The following GCN1 variants were observed in gnomAD, a reference collection of about 807,000 sequenced individuals.
The protein encoded by GCN1 is stalled ribosome sensor GCN1.
GCN1 carries 90 observed loss-of-function variants against 288.4 expected under a neutral mutation model. That is an observed-to-expected ratio of 0.31 (90% CI 0.26 to 0.37). The LOEUF (loss-of-function observed/expected upper bound fraction) is 0.37. Among genes scored for constraint, GCN1 ranks in the 10% least tolerant of loss-of-function variants. GCN1 has a pLI of 1.00. For missense variants in GCN1, 2,586 were observed against 3,419.9 expected (o/e 0.76, Z 6.08); for synonymous variants, 1,386 against 1,420.2 (o/e 0.98, Z 0.54).
At position 120,183,584 on chromosome 12, in the gene GCN1, G is replaced by A. The variant is rs777231748; in HGVS notation, c.411C>T (p.Asp137=). Reference sequence around the variant, plus strand: ...GGGAACCTACCAGTTTGTTCCAGATGTCTCCTTGTCGCTTGGCTCTCGATG... The same window carrying A: ...GGGAACCTACCAGTTTGTTCCAGATATCTCCTTGTCGCTTGGCTCTCGATG... ...VFPSRAKRQG[D]IWNKLVEVQC... Residue 137 remains aspartate (D), a synonymous_variant, in exon 5 of 58, where the codon GAC becomes GAT. Coordinates refer to ENST00000300648, the MANE Select transcript of GCN1 (RefSeq NM_006836.2). 3 of 1,606,422 alleles carry A rather than the reference G, an allele frequency of 1.9e-6. No individual in the cohort carries two copies. The highest frequency in any genetic ancestry group is 2.2e-5 in the South Asian group (2 of 90,958).
intron 1 of GCN1, among the ~76,000 whole-genome samples, chr12:120,191,196 G>A (rs1216753762): frequency 6.6e-6 from 1 of 152,244 alleles, no homozygotes; most frequent in African/African-American, 2.4e-5. Context: ...ATCTCCAAGA[G>A]AGGAAGTCAC....
In GCN1 at chr12:120,149,672, C is replaced by T; in HGVS notation, c.4480G>A (p.Gly1494Arg). 6.2e-7 allele frequency: 1 copy of T among 1,614,082 alleles called. No homozygotes were observed. The highest frequency in any genetic ancestry group is 8.5e-7 in the Non-Finnish European group (1 of 1,180,020). The stretch of plus-strand genomic sequence containing the variant: ...AAGGAGGGGAGCACCAGCTTCACCC[C>T]GTGAGCACTCAAGTTGCTCATCACA... The part of the protein sequence containing the change: ...KAVMSNLSAH[G>R]VKLVLPSLLA... Residue 1494 changes from glycine (G) to arginine (R), a missense_variant, in exon 36 of 58, where the codon GGG becomes AGG. Around this residue, in one of 8 missense-constraint regions of GCN1, gnomAD observed 371 missense variants for 572.6 expected, o/e 0.65. Coordinates refer to ENST00000300648, the MANE Select transcript of GCN1 (RefSeq NM_006836.2).
rs371527556 is a variant in GCN1 at position 120,164,354 on chromosome 12, A to G, written c.1830T>C (p.Thr610=). The change falls in exon 18 of 58, where the codon ACT becomes ACC. Residue 610 remains threonine, a synonymous_variant. Transcript: ENST00000300648. The stretch of plus-strand genomic sequence containing the variant: ...CCCTCACCTTGTGAGAACTGAGGAC[A>G]GTCTTCAGCTCCTCCAAGAGTCCGT... ...LAHGLLEELK[T]VLSSHKVLPL... is the part of the protein sequence containing the mutation. The G allele has an allele frequency of 2.9e-5, 46 of 1,613,894 alleles. No individual in the cohort carries two copies. Among genetic ancestry groups the G allele is most frequent in the African/African-American group, 4.0e-5 (3 of 74,932 alleles).
rs765656458 is a variant in GCN1 at position 120,127,963 on chromosome 12, C to T, written c.7902G>A (p.Lys2634=). The stretch of plus-strand genomic sequence containing the variant: ...CCTCCAAACTGGCCACATCCAGGAT[C>T]TTGGAGAGGGACTGTGGGGAAGGAT... ...QGEEVFQSLS[K]ILDVASLEVL... The change falls in exon 58 of 58, where the codon AAG becomes AAA. Residue 2634 remains lysine (K), a synonymous_variant. Transcript: ENST00000300648. 4 of 1,614,078 alleles carry T rather than the reference C, an allele frequency of 2.5e-6. No individual in the cohort carries two copies. Among genetic ancestry groups the T allele is most frequent in the Admixed American group, 1.7e-5 (1 of 60,020 alleles).
At chr12:120,189,450 C>T (rs1390652166) in intron 2 of GCN1, among the ~76,000 whole-genome samples, 1 of 151,108 alleles carries the variant, frequency 6.6e-6, no homozygotes, top group African/African-American at 2.4e-5. Context: ...GCAACCTCCA[C>T]CTCCCAGGTT....
intron 16 of GCN1, among the ~76,000 whole-genome samples, chr12:120,165,002 T>TACACACAC (rs55710290): frequency 0.017 from 2,351 of 136,790 alleles, 56 homozygotes; most frequent in East Asian, 0.11. Flanking sequence ...TACACATATA[T>TACACACAC]ACACACACAC....
chr12:120,184,952 T>C, intron 2 of GCN1, 65 bp from the exon 3 acceptor site: 2 of 1,062,318 alleles, frequency 1.9e-6, no homozygotes, highest in East Asian at 2.4e-5. Context: ...TGGAGTCAGG[T>C]ATTCTGCCCA....
At chr12:120,179,781 A>C (rs1408334707) in intron 5 of GCN1, among the ~76,000 whole-genome samples, 4 of 151,874 alleles carry the variant, frequency 2.6e-5, no homozygotes, top group Non-Finnish European at 5.9e-5. Flanking sequence ...ATACAATTTC[A>C]GTGAGGTTTA....
chr12:120,140,800 G>A (rs947042207), intron 45 of GCN1, 59 bp downstream of exon 45: 32 of 1,517,074 alleles, frequency 2.1e-5, no homozygotes, highest in African/African-American at 1.1e-4. Flanking sequence ...GCCCTCCCCC[G>A]CCCTCTGAGT....
At chr12:120,138,591 G>T (rs549625938) in intron 46 of GCN1, 104 bp downstream of exon 46, 2 of 1,211,774 alleles carry the variant, frequency 1.7e-6, no homozygotes, top group Non-Finnish European at 2.4e-6. Context: ...CCCTCTGGAG[G>T]GCCCACATTG....
chr12:120,171,721 C>T (rs906737559), intron 14 of GCN1, among the ~76,000 whole-genome samples: 1 of 152,160 alleles, frequency 6.6e-6, no homozygotes, highest in Non-Finnish European at 1.5e-5. Context: ...TGGCACTCTG[C>T]ATTCCTTTTT....
At chr12:120,160,096 C>T (rs1483011824) in intron 23 of GCN1, 46 bp downstream of exon 23, 4 of 1,587,242 alleles carry the variant, frequency 2.5e-6, no homozygotes, top group Non-Finnish European at 3.5e-6. Context: ...GACCAAGCTG[C>T]CCAGCACTCT....
At chr12:120,192,843 G>C (rs377684432) in intron 1 of GCN1, among the ~76,000 whole-genome samples, 1 of 151,766 alleles carries the variant, frequency 6.6e-6, no homozygotes, top group East Asian at 1.9e-4. Context: ...TCAGAAGTTC[G>C]AGACCAGCCT....
At chr12:120,130,564 C>A in intron 56 of GCN1, 82 bp downstream of exon 56, 2 of 870,008 alleles carry the variant, frequency 2.3e-6, no homozygotes, top group African/African-American at 1.6e-5. Context: ...TAGTTGAGGG[C>A]GCACTGCTGG....
chr12:120,194,707 G>A lies in GCN1; in HGVS notation c.-10C>T, dbSNP rs994599168. 122 of 1,509,070 alleles carry A rather than the reference G, an allele frequency of 8.1e-5. No individual in the cohort carries two copies. Among genetic ancestry groups the A allele is most frequent in the South Asian group, 2.7e-4 (22 of 81,582 alleles). 93.5% of individuals were successfully genotyped at this position (1,509,070 alleles called of 1,614,324 possible). On this transcript the variant is annotated 5_prime_UTR_variant, in exon 1 of 58. Transcript: ENST00000300648. Reference sequence around the variant, plus strand: ...GCGTGTCCGCCGCCATCCTGCCGGGGCTGACTCCGGAACCGCTTCCGGAAC... The same window carrying A: ...GCGTGTCCGCCGCCATCCTGCCGGGACTGACTCCGGAACCGCTTCCGGAAC...
intron 37 of GCN1, among the ~76,000 whole-genome samples, chr12:120,147,678 T>C (rs960072763): frequency 1.3e-5 from 2 of 152,246 alleles, no homozygotes; most frequent in African/African-American, 4.8e-5. Flanking sequence ...TTGAGGTTAT[T>C]CCACTTTCCA....
At position 120,174,053 on chromosome 12, in the gene GCN1, C is replaced by T. The variant is rs1172554357; in HGVS notation, c.1192+18G>A. 2 of 1,438,864 alleles carry T rather than the reference C, an allele frequency of 1.4e-6. No homozygotes were observed. Among genetic ancestry groups the T allele is most frequent in the South Asian group, 1.1e-5 (1 of 87,270 alleles). The allele number at this position is 1,438,864 out of a possible 1,614,324, so 89.1% of individuals were successfully genotyped here. ...GGATGAGTACAGAACGCATGCTCAC[C>T]ATGTTGCACAGAATTACCTTCCTGC... On this transcript the variant is annotated intron_variant, in intron 13 of 57. Coordinates refer to ENST00000300648, the MANE Select transcript of GCN1 (RefSeq NM_006836.2).
intron 16 of GCN1, among the ~76,000 whole-genome samples, chr12:120,165,051 AT>A (rs60284535): frequency 0.023 from 3,301 of 141,642 alleles, 129 homozygotes; most frequent in African/African-American, 0.081. Context: ...ATATATATAT[AT>A]TTTTTTTTTT....
intron 53 of GCN1, among the ~76,000 whole-genome samples, chr12:120,132,894 G>T (rs749681484): frequency 1.1e-4 from 17 of 152,196 alleles, no homozygotes; most frequent in Non-Finnish European, 2.2e-4. Context: ...CTCTGAGCTC[G>T]AAGCAGAAGC....
Sources: allele counts gnomAD v4.1 joint callset (sites outside exome capture counted in the v4.1 genomes callset), GRCh38; gene constraint gnomAD v4.1.1; regional missense constraint gnomAD v4.1.1; transcripts MANE v1.5; gene names NCBI Gene and HGNC (gene_info 2026-07-23, HGNC 2026-07-21).